Variants in SDK1 observed in about 807,000 individuals in gnomAD.
The protein encoded by SDK1 is protein sidekick-1.
Under a neutral mutation model 245.5 loss-of-function variants are expected in SDK1, and 157 were observed. The ratio of observed to expected loss-of-function variants is 0.64; its 90% confidence interval spans 0.56 to 0.73. The LOEUF is 0.73. Ranked by LOEUF, SDK1 falls within the 30% of genes least tolerant of loss-of-function variation. The pLI, the probability that SDK1 is intolerant of heterozygous loss-of-function variation, is 0.00. For missense variants in SDK1, 3,583 were observed against 3,002.3 expected (o/e 1.19, Z -4.52); for synonymous variants, 1,647 against 1,278.5 (o/e 1.29, Z -6.15).
chr7:4,056,982 C>T (rs1328321028), intron 19 of SDK1, among the ~76,000 whole-genome samples: 1 of 152,194 alleles, frequency 6.6e-6, no homozygotes. Context: ...AGGCAAAGCA[C>T]AAACCATTGG....
intron 35 of SDK1, among the ~76,000 whole-genome samples, chr7:4,184,921 C>T (rs1782798044): frequency 6.6e-6 from 1 of 152,194 alleles, no homozygotes; most frequent in Admixed American, 6.5e-5. Flanking sequence ...CTTGGTCAGG[C>T]TCTTCATCAA....
intron 44 of SDK1, among the ~76,000 whole-genome samples, chr7:4,256,766 G>C (rs553451662): frequency 6.6e-6 from 1 of 152,204 alleles, no homozygotes; most frequent in East Asian, 1.9e-4. Flanking sequence ...CCAGGGCCCA[G>C]GGGATAAGGA....
chr7:3,725,971 A>T (rs1166728841), intron 4 of SDK1, among the ~76,000 whole-genome samples: 5 of 152,240 alleles, frequency 3.3e-5, no homozygotes, highest in Non-Finnish European at 7.3e-5. Flanking sequence ...TCAGGAGCCA[A>T]TATCTCAGTG....
rs74649032 is a variant in SDK1, at chr7:3,759,130, G to C, written c.714-62320G>C. ...AACAAATTTACCAACCAAAATACAG[G>C]CTTTACCTATGGCTCATTTTTCCTT... On this transcript the variant is annotated intron_variant, in intron 4 of 44. Coordinates refer to ENST00000404826, the MANE Select transcript of SDK1 (RefSeq NM_152744.4). Among the ~76,000 whole-genome samples, 459 of 152,274 alleles carry C rather than the reference G, an allele frequency of 3.0e-3. 1 individual carries two copies. The highest frequency in any genetic ancestry group is 5.2e-3 in the Non-Finnish European group (352 of 68,020).
chr7:3,309,455 T>C (rs1385995528), intron 1 of SDK1, among the ~76,000 whole-genome samples: 1 of 151,482 alleles, frequency 6.6e-6, no homozygotes, highest in Non-Finnish European at 1.5e-5. Context: ...GCAAGGCGAG[T>C]TTATAATACC....
chr7:3,651,909 C>G (rs1583272904), intron 4 of SDK1, among the ~76,000 whole-genome samples: 1 of 152,208 alleles, frequency 6.6e-6, no homozygotes, highest in East Asian at 1.9e-4. Context: ...GTCAGCTAAG[C>G]CAACGATCCC....
chr7:3,965,806 T>C (rs892067397), intron 9 of SDK1, among the ~76,000 whole-genome samples: 1 of 152,038 alleles, frequency 6.6e-6, no homozygotes, highest in African/African-American at 2.4e-5. Flanking sequence ...CGGGTGGGGC[T>C]TCTCTAGGAG....
chr7:3,516,103 T>C (rs1562533993), intron 1 of SDK1, among the ~76,000 whole-genome samples: 1 of 147,710 alleles, frequency 6.8e-6, no homozygotes, highest in Non-Finnish European at 1.5e-5. Flanking sequence ...TGTTCTTTAA[T>C]TCAGAAGATA....
chr7:3,349,294 C>T (rs532712431), intron 1 of SDK1, among the ~76,000 whole-genome samples: 2 of 152,148 alleles, frequency 1.3e-5, no homozygotes, highest in Non-Finnish European at 2.9e-5. Context: ...AGAGCAGGGT[C>T]TCACCCTTAT....
intron 5 of SDK1, among the ~76,000 whole-genome samples, chr7:3,934,843 A>G (rs1201998960): frequency 6.6e-6 from 1 of 152,208 alleles, no homozygotes; most frequent in African/African-American, 2.4e-5. Context: ...TGTGCAAAGG[A>G]CACAGCATGG....
At chr7:3,318,705 C>G (rs554400017) in intron 1 of SDK1, among the ~76,000 whole-genome samples, 1 of 152,240 alleles carries the variant, frequency 6.6e-6, no homozygotes, top group African/African-American at 2.4e-5. Flanking sequence ...TTTGAGTTTT[C>G]TTGGCCTGTT....
At chr7:3,445,980 T>C (rs910356904) in intron 1 of SDK1, among the ~76,000 whole-genome samples, 2 of 152,138 alleles carry the variant, frequency 1.3e-5, no homozygotes, top group African/African-American at 4.8e-5. Flanking sequence ...TGAGAATGTC[T>C]TAATTTTTAT....
chr7:3,697,077 A>C (rs1316117502), intron 4 of SDK1, among the ~76,000 whole-genome samples: 2 of 152,180 alleles, frequency 1.3e-5, no homozygotes, highest in Admixed American at 1.3e-4. Context: ...GGCATGTTTT[A>C]TTTTCTAGAT....
chr7:4,165,343 C>T (rs1157120977), intron 32 of SDK1, among the ~76,000 whole-genome samples: 1 of 151,944 alleles, frequency 6.6e-6, no homozygotes, highest in Admixed American at 6.6e-5. Flanking sequence ...TGGGCAACAA[C>T]AGCAAAACCT....
intron 1 of SDK1, among the ~76,000 whole-genome samples, 196 bp from the exon 2 acceptor site, chr7:3,618,884 A>T (rs1277880308): frequency 6.6e-6 from 1 of 152,200 alleles, no homozygotes; most frequent in Non-Finnish European, 1.5e-5. Flanking sequence ...TTGAGCTTTC[A>T]GCTTTTTGAA....
intron 5 of SDK1, among the ~76,000 whole-genome samples, chr7:3,825,807 G>A (rs992982573): frequency 2.0e-5 from 3 of 152,152 alleles, no homozygotes; most frequent in East Asian, 1.9e-4. Context: ...TCCTTGTACC[G>A]TTAACATTAA....
intron 5 of SDK1, among the ~76,000 whole-genome samples, chr7:3,827,222 G>T (rs986366824): frequency 2.0e-5 from 3 of 152,198 alleles, no homozygotes; most frequent in Admixed American, 6.5e-5. Flanking sequence ...ACTGGTCTGA[G>T]TATCACTCAG....
At chr7:3,814,474 C>T (rs1004357430) in intron 4 of SDK1, among the ~76,000 whole-genome samples, 1 of 151,722 alleles carries the variant, frequency 6.6e-6, no homozygotes, top group Non-Finnish European at 1.5e-5. Flanking sequence ...TGATCTGTAT[C>T]TCTGTTTTGG....
In SDK1 at chr7:3,562,500, G is replaced by C. The variant is rs75615129; in HGVS notation, c.299-56580G>C. ...GGTGCTAAAAACTAACAACAAAAAT[G>C]CTAGGAACCCCTTGGGAGACTGAAG... On this transcript the variant is annotated intron_variant, in intron 1 of 44. Transcript: ENST00000404826. Among the ~76,000 whole-genome samples the C allele has an allele frequency of 2.6e-5, 4 of 152,266 alleles. No individual in the cohort carries two copies. In the East Asian group the frequency reaches 7.7e-4, roughly 29 times the overall value.
Sources: allele counts gnomAD v4.1 joint callset (sites outside exome capture counted in the v4.1 genomes callset), GRCh38; gene constraint gnomAD v4.1.1; transcripts MANE v1.5; gene names NCBI Gene and HGNC (gene_info 2026-07-23, HGNC 2026-07-21).